Variants in PNPT1 observed in about 807,000 individuals in gnomAD.
PNPT1 encodes polyribonucleotide nucleotidyltransferase 1, mitochondrial.
Under a neutral mutation model 119.5 loss-of-function variants are expected in PNPT1, and 53 were observed. The ratio of observed to expected loss-of-function variants is 0.44; its 90% confidence interval spans 0.36 to 0.56. PNPT1 has a LOEUF of 0.56. Ranked by LOEUF, PNPT1 falls within the 20% of genes least tolerant of loss-of-function variation. The probability of loss-of-function intolerance (pLI) is 0.00; values close to 1 mark genes in which losing one functional copy is unlikely to be tolerated. For synonymous variants in PNPT1, 357 were observed against 322.1 expected (o/e 1.11, Z -1.16); for missense variants, 948 against 938.5 (o/e 1.01, Z -0.13).
intron 22 of PNPT1, 143 bp downstream of exon 22, chr2:55,645,196 TGTATTTTTTA>T (rs1425903552): frequency 2.2e-6 from 1 of 457,426 alleles, no homozygotes; most frequent in East Asian, 4.2e-5. Context: ...GCTAATTTTT[TGTATTTTTTA>T]GTAGAGACAG....
At chr2:55,644,772 C>T in intron 22 of PNPT1, 52 bp from the exon 23 acceptor site, 1 of 1,298,352 alleles carries the variant, frequency 7.7e-7, no homozygotes, top group Non-Finnish European at 1.1e-6. Flanking sequence ...ATACATGAAC[C>T]TAAAACATGC....
chr2:55,679,915 T>C (rs1408127996), intron 7 of PNPT1, 120 bp from the exon 8 acceptor site: 2 of 684,728 alleles, frequency 2.9e-6, no homozygotes, highest in Non-Finnish European at 4.8e-6. Context: ...TCCATGTTTC[T>C]ACACGGTATT....
intron 5 of PNPT1, among the ~76,000 whole-genome samples, chr2:55,683,254 G>A (rs1452419091): frequency 1.3e-5 from 2 of 152,038 alleles, no homozygotes; most frequent in African/African-American, 4.8e-5. Flanking sequence ...CACCTTGGTT[G>A]GCTAACTCCT....
At chr2:55,687,834 G>C in intron 1 of PNPT1, 129 bp from the exon 2 acceptor site, 1 of 589,358 alleles carries the variant, frequency 1.7e-6, no homozygotes, top group Non-Finnish European at 2.8e-6. Flanking sequence ...CAACAAAAAG[G>C]GGCAGAATCC....
At chr2:55,680,683 T>A in intron 7 of PNPT1, 29 bp downstream of exon 7, 1 of 1,595,174 alleles carries the variant, frequency 6.3e-7, no homozygotes, top group Non-Finnish European at 8.6e-7. Context: ...AATACACATA[T>A]GATTTCTTAC....
intron 18 of PNPT1, among the ~76,000 whole-genome samples, chr2:55,650,702 G>T (rs1299840661): frequency 9.3e-5 from 14 of 151,218 alleles, no homozygotes; most frequent in African/African-American, 2.9e-4. Flanking sequence ...TGTGAGGAGC[G>T]TCTCTGCCCG....
intron 3 of PNPT1, among the ~76,000 whole-genome samples, 181 bp from the exon 4 acceptor site, chr2:55,685,229 G>C (rs555100500): frequency 1.3e-5 from 2 of 152,318 alleles, no homozygotes; most frequent in African/African-American, 4.8e-5. Context: ...TTTCTGCAAA[G>C]TGATTTTAAA....
intron 13 of PNPT1, among the ~76,000 whole-genome samples, chr2:55,663,150 C>G (rs1696632206): frequency 1.3e-5 from 2 of 152,168 alleles, no homozygotes; most frequent in African/African-American, 4.8e-5. Context: ...TCCCAAAGTG[C>G]TGGGATTACA....
At chr2:55,669,460 G>C (rs1034978439) in intron 11 of PNPT1, among the ~76,000 whole-genome samples, 1 of 152,092 alleles carries the variant, frequency 6.6e-6, no homozygotes, top group Non-Finnish European at 1.5e-5. Flanking sequence ...ATATTAGATT[G>C]TATCTTCTTC....
At chr2:55,651,745 T>C (rs1696211738) in intron 18 of PNPT1, among the ~76,000 whole-genome samples, 1 of 142,160 alleles carries the variant, frequency 7.0e-6, no homozygotes, top group East Asian at 2.0e-4. Context: ...AATCCCCCTC[T>C]GTGAGAAACA....
chr2:55,666,013 T>A (rs999844962), intron 13 of PNPT1, among the ~76,000 whole-genome samples: 7 of 152,008 alleles, frequency 4.6e-5, no homozygotes, highest in African/African-American at 1.7e-4. Flanking sequence ...AGAAAACAAA[T>A]GAGGGCCTTG....
intron 11 of PNPT1, among the ~76,000 whole-genome samples, chr2:55,669,271 G>A (rs1170179842): frequency 6.6e-6 from 1 of 152,154 alleles, no homozygotes; most frequent in Non-Finnish European, 1.5e-5. Context: ...ATAAAGATCT[G>A]TCAGCCTCAA....
chr2:55,690,784 A>G (rs1697572741), intron 1 of PNPT1, among the ~76,000 whole-genome samples: 1 of 152,222 alleles, frequency 6.6e-6, no homozygotes. Context: ...AAAGCCTACA[A>G]TAAAATGGGT....
At chr2:55,637,302 A>G (rs1695706287) in intron 27 of PNPT1, among the ~76,000 whole-genome samples, 1 of 152,192 alleles carries the variant, frequency 6.6e-6, no homozygotes, top group South Asian at 2.1e-4. Context: ...TAACACTAAC[A>G]TGCTCATGTA....
chr2:55,678,365 G>A (rs1356504534), intron 8 of PNPT1, among the ~76,000 whole-genome samples: 2 of 152,180 alleles, frequency 1.3e-5, no homozygotes, highest in African/African-American at 4.8e-5. Context: ...TCTGCAGGCA[G>A]AATACAAAAA....
chr2:55,651,789 AT>A (rs1696216180), intron 18 of PNPT1, among the ~76,000 whole-genome samples: 1 of 87,838 alleles, frequency 1.1e-5, no homozygotes, highest in African/African-American at 3.5e-5. Context: ...AAAAAAAAAA[AT>A]TAAAAAAAAA....
At chr2:55,650,964 C>G (rs1696166577) in intron 18 of PNPT1, among the ~76,000 whole-genome samples, 2 of 150,514 alleles carry the variant, frequency 1.3e-5, no homozygotes, top group Non-Finnish European at 3.0e-5. Context: ...AGCCCCCCGC[C>G]CGGCCAGCCG....
chr2:55,651,708 C>T (rs1012055823), intron 18 of PNPT1, among the ~76,000 whole-genome samples: 3 of 149,898 alleles, frequency 2.0e-5, no homozygotes, highest in African/African-American at 7.4e-5. Flanking sequence ...CTGACCTTCC[C>T]TCCACTATTG....
At chr2:55,659,841 G>A (rs1357143972) in intron 15 of PNPT1, among the ~76,000 whole-genome samples, 1 of 152,080 alleles carries the variant, frequency 6.6e-6, no homozygotes, top group East Asian at 1.9e-4. Flanking sequence ...GTGGATATAT[G>A]GATAGTCACT....
Sources: allele counts gnomAD v4.1 joint callset (sites outside exome capture counted in the v4.1 genomes callset), GRCh38; gene constraint gnomAD v4.1.1; transcripts MANE v1.5; gene names NCBI Gene and HGNC (gene_info 2026-07-23, HGNC 2026-07-21).